The following ATXN7L1 variants were observed in gnomAD, a reference collection of about 807,000 sequenced individuals.
ATXN7L1 encodes ataxin-7-like protein 1.
ATXN7L1 carries 15 observed loss-of-function variants against 70.8 expected under a neutral mutation model. The observed-to-expected ratio is 0.21, with a 90% CI of 0.14 to 0.33. The LOEUF is 0.33. Ranked by LOEUF, ATXN7L1 falls within the 10% of genes least tolerant of loss-of-function variation. ATXN7L1 has a pLI of 1.00. For missense variants in ATXN7L1, 975 were observed against 1,097.1 expected (o/e 0.89, Z 1.57); for synonymous variants, 440 against 445.1 (o/e 0.99, Z 0.14).
At chr7:105,661,689 C>A (rs964822030) in intron 4 of ATXN7L1, among the ~76,000 whole-genome samples, 2 of 152,180 alleles carry the variant, frequency 1.3e-5, no homozygotes, top group Non-Finnish European at 2.9e-5. Flanking sequence ...AGGCTCAAAA[C>A]CAAATCATCC....
At chr7:105,761,364 T>C (rs1347356784) in intron 3 of ATXN7L1, 1 of 1,614,006 alleles carries the variant, frequency 6.2e-7, no homozygotes, top group East Asian at 2.2e-5. Context: ...ACGTCTCTTC[T>C]GCGTTTTCCA....
At chr7:105,702,866 C>A (rs999113647) in intron 3 of ATXN7L1, among the ~76,000 whole-genome samples, 10 of 152,116 alleles carry the variant, frequency 6.6e-5, no homozygotes, top group Middle Eastern at 6.8e-3. Flanking sequence ...TGCCTGTAAT[C>A]CCAGCACTTT....
intron 4 of ATXN7L1, among the ~76,000 whole-genome samples, chr7:105,655,750 G>A (rs369767128): frequency 4.8e-4 from 73 of 152,300 alleles, no homozygotes; most frequent in African/African-American, 1.6e-3. Context: ...TCCATAAAGC[G>A]TTGGGAAGAC....
chr7:105,822,905 T>A (rs1386815195), intron 2 of ATXN7L1, among the ~76,000 whole-genome samples: 1 of 152,200 alleles, frequency 6.6e-6, no homozygotes, highest in African/African-American at 2.4e-5. Context: ...AAATTTTGTT[T>A]CATAGTATCA....
rs1795315983 is a variant in ATXN7L1, at chr7:105,624,066, G to A, written c.1395+9C>T. ...AAGAACGCATGGCAAGGAACGGAAGGAGGCCTACCGCCAGAGGTCTGGGGT... is the reference window on the plus strand; with the variant it reads ...AAGAACGCATGGCAAGGAACGGAAGAAGGCCTACCGCCAGAGGTCTGGGGT... On this transcript the variant is annotated intron_variant, in intron 8 of 11. Transcript: ENST00000419735. 1 of 1,401,318 alleles carries A rather than the reference G, an allele frequency of 7.1e-7. No homozygotes were observed. Among genetic ancestry groups the A allele is most frequent in the Non-Finnish European group, 9.4e-7 (1 of 1,063,274 alleles). 86.8% of individuals were successfully genotyped at this position (1,401,318 alleles called of 1,614,324 possible). A position where few individuals can be genotyped will look rare whatever the true frequency, so the allele number is the denominator to read the frequency against.
intron 2 of ATXN7L1, among the ~76,000 whole-genome samples, chr7:105,815,572 T>C (rs1318260102): frequency 1.3e-5 from 2 of 152,192 alleles, no homozygotes; most frequent in Non-Finnish European, 2.9e-5. Flanking sequence ...CTAACCATTA[T>C]TCAGACTGAG....
intron 3 of ATXN7L1, among the ~76,000 whole-genome samples, chr7:105,701,869 T>G (rs1282518267): frequency 1.3e-5 from 2 of 152,162 alleles, no homozygotes; most frequent in Non-Finnish European, 2.9e-5. Flanking sequence ...GGTGCCCAAC[T>G]CATTAATTCA....
chr7:105,790,674 A>ATCTATCTAT lies in ATXN7L1; in HGVS notation c.251-1967_251-1966insATAGATAGA, dbSNP rs1554464837. Among the ~76,000 whole-genome samples, 333 of 113,162 alleles carry ATCTATCTAT rather than the reference A, an allele frequency of 2.9e-3. 2 individuals are homozygous for ATCTATCTAT. The highest frequency in any genetic ancestry group is 4.2e-3 in the African/African-American group (118 of 27,870). The allele number at this position is 113,162 out of a possible 152,430, so 74.2% of individuals were successfully genotyped here. A position where few individuals can be genotyped will look rare whatever the true frequency, so the allele number is the denominator to read the frequency against. ...TCTATCATCTATCTACTATCTATCT[A>ATCTATCTAT]CTATCTATCTATCTATCTATCTATC... On this transcript the variant is annotated intron_variant, in intron 2 of 11. Coordinates refer to ENST00000419735, the MANE Select transcript of ATXN7L1 (RefSeq NM_020725.2).
chr7:105,747,926 C>T (rs1399892971), intron 3 of ATXN7L1, among the ~76,000 whole-genome samples: 2 of 151,986 alleles, frequency 1.3e-5, no homozygotes, highest in African/African-American at 4.8e-5. Flanking sequence ...TCAAGACCAA[C>T]CTGACCAACA....
intron 4 of ATXN7L1, among the ~76,000 whole-genome samples, chr7:105,650,394 T>C (rs1209549696): frequency 2.6e-5 from 4 of 151,686 alleles, no homozygotes; most frequent in Non-Finnish European, 5.9e-5. Flanking sequence ...TAAATAAGAA[T>C]ATCTGCCAGA....
chr7:105,842,926 T>C (rs1813439425), intron 2 of ATXN7L1, among the ~76,000 whole-genome samples: 1 of 152,246 alleles, frequency 6.6e-6, no homozygotes, highest in Admixed American at 6.5e-5. Context: ...GTGGTGTCTC[T>C]TGGGGTTTTG....
chr7:105,731,662 TG>T, intron 3 of ATXN7L1, among the ~76,000 whole-genome samples: 1 of 151,194 alleles, frequency 6.6e-6, no homozygotes, highest in Middle Eastern at 3.4e-3. Flanking sequence ...CTTGAACTCC[TG>T]ACCTCAGGTG....
chr7:105,679,038 G>T, intron 3 of ATXN7L1: 1 of 979,976 alleles, frequency 1.0e-6, no homozygotes, highest in Non-Finnish European at 1.2e-6. Flanking sequence ...CTCGTGCCCT[G>T]CGCTCACACT....
chr7:105,660,857 A>G (rs1386433131), intron 4 of ATXN7L1, among the ~76,000 whole-genome samples: 1 of 152,198 alleles, frequency 6.6e-6, no homozygotes, highest in African/African-American at 2.4e-5. Context: ...CTGGGATTAC[A>G]GGTGTGAGCC....
chr7:105,622,450 C>T (rs1027036733), intron 8 of ATXN7L1, among the ~76,000 whole-genome samples: 4 of 152,234 alleles, frequency 2.6e-5, no homozygotes, highest in East Asian at 1.9e-4. Flanking sequence ...TGGCATGTTA[C>T]GCCTCCAGCA....
At chr7:105,852,935 G>C (rs1815093297) in intron 2 of ATXN7L1, among the ~76,000 whole-genome samples, 1 of 152,094 alleles carries the variant, frequency 6.6e-6, no homozygotes, top group Non-Finnish European at 1.5e-5. Context: ...TACGCTCAGT[G>C]AAAGAAACGA....
intron 3 of ATXN7L1, among the ~76,000 whole-genome samples, chr7:105,772,619 G>C (rs538532860): frequency 6.6e-6 from 1 of 152,166 alleles, no homozygotes; most frequent in Admixed American, 6.5e-5. Flanking sequence ...TACCCAACAG[G>C]ACAGCCTCAA....
At chr7:105,708,717 T>C (rs1214790448) in intron 3 of ATXN7L1, among the ~76,000 whole-genome samples, 2 of 152,230 alleles carry the variant, frequency 1.3e-5, no homozygotes, top group Non-Finnish European at 2.9e-5. Context: ...GTACCATTCA[T>C]TAGTAACAAT....
At chr7:105,807,531 C>A (rs1018179302) in intron 2 of ATXN7L1, among the ~76,000 whole-genome samples, 1 of 152,228 alleles carries the variant, frequency 6.6e-6, no homozygotes, top group African/African-American at 2.4e-5. Flanking sequence ...AATCTTCACA[C>A]CCTTGGGTTC....
Sources: allele counts gnomAD v4.1 joint callset (sites outside exome capture counted in the v4.1 genomes callset), GRCh38; gene constraint gnomAD v4.1.1; transcripts MANE v1.5; gene names NCBI Gene and HGNC (gene_info 2026-07-23, HGNC 2026-07-21).